The following MYT1L variants were observed in gnomAD, a reference collection of about 807,000 sequenced individuals.
MYT1L encodes the protein myelin transcription factor 1-like protein.
In MYT1L, 12 loss-of-function variants were observed where a neutral mutation model predicts 126.7. The observed-to-expected ratio is 0.09, with a 90% CI of 0.06 to 0.15. The LOEUF (loss-of-function observed/expected upper bound fraction) is 0.15. Ranked by LOEUF, MYT1L falls within the 10% of genes least tolerant of loss-of-function variation. MYT1L has a pLI of 1.00. For synonymous variants in MYT1L, 541 were observed against 604.2 expected (o/e 0.90, Z 1.53); for missense variants, 979 against 1,585.2 (o/e 0.62, Z 6.49).
At chr2:1,893,573 CTA>C (rs1488902417) in intron 14 of MYT1L, among the ~76,000 whole-genome samples, 2 of 152,176 alleles carry the variant, frequency 1.3e-5, no homozygotes, top group African/African-American at 4.8e-5. Context: ...CTGATGGAAA[CTA>C]TGGTTTTGTC....
At chr2:1,802,178 G>T (rs140485863) in intron 22 of MYT1L, among the ~76,000 whole-genome samples, 324 of 152,180 alleles carry the variant, frequency 2.1e-3, no homozygotes, top group African/African-American at 7.4e-3. Context: ...CTCTCGACTC[G>T]CTGTCTGCAT....
At chr2:2,070,284 C>T (rs1362553504) in intron 3 of MYT1L, among the ~76,000 whole-genome samples, 2 of 152,134 alleles carry the variant, frequency 1.3e-5, no homozygotes, top group African/African-American at 4.8e-5. Flanking sequence ...CCCCATGTTT[C>T]CATTTTGCCA....
chr2:1,828,878 C>T (rs866580685), intron 21 of MYT1L, among the ~76,000 whole-genome samples: 7 of 152,266 alleles, frequency 4.6e-5, no homozygotes, highest in Middle Eastern at 6.8e-3. Context: ...GTATGGTGGA[C>T]GAGACTCTTA....
At chr2:2,299,812 C>A (rs1343292361) in intron 1 of MYT1L, among the ~76,000 whole-genome samples, 1 of 152,084 alleles carries the variant, frequency 6.6e-6, no homozygotes, top group Non-Finnish European at 1.5e-5. Context: ...ACATCCAGTC[C>A]CATTACAAAC....
intron 1 of MYT1L, among the ~76,000 whole-genome samples, chr2:2,292,236 G>C (rs931636481): frequency 1.3e-5 from 2 of 152,210 alleles, no homozygotes; most frequent in South Asian, 4.1e-4. Flanking sequence ...GCTCAGGAAA[G>C]ACTGAAGGCT....
At chr2:2,247,019 T>C (rs2094547903) in intron 2 of MYT1L, among the ~76,000 whole-genome samples, 1 of 152,074 alleles carries the variant, frequency 6.6e-6, no homozygotes, top group Admixed American at 6.6e-5. Flanking sequence ...AATCAGTCTG[T>C]CAGGAGTAAG....
At chr2:1,911,966 G>C in intron 12 of MYT1L, 54 bp downstream of exon 12, 1 of 1,381,378 alleles carries the variant, frequency 7.2e-7, no homozygotes. Context: ...GAAGGAGAAG[G>C]CATGGAGAGC....
In MYT1L at chr2:1,802,027, G is replaced by A. The variant is rs9309689; in HGVS notation, c.3173-228C>T. 1,584 of 441,728 alleles carry A rather than the reference G, an allele frequency of 3.6e-3. 25 individuals are homozygous for A. Among genetic ancestry groups the A allele is most frequent in the African/African-American group, 0.029 (1,424 of 49,110 alleles). The allele number at this position is 441,728 out of a possible 1,614,324, so 27.4% of individuals were successfully genotyped here. A position where few individuals can be genotyped will look rare whatever the true frequency, so the allele number is the denominator to read the frequency against. ...ACAAAAAGGAACAAACAATTGAGACGCACAGAAGACTCCCAGGCACTTTGA... is the reference window on the plus strand; with the variant it reads ...ACAAAAAGGAACAAACAATTGAGACACACAGAAGACTCCCAGGCACTTTGA... On this transcript the variant is annotated intron_variant, in intron 22 of 24. Transcript: ENST00000647738.
intron 10 of MYT1L, among the ~76,000 whole-genome samples, chr2:1,920,056 G>A (rs983773401): frequency 4.6e-5 from 7 of 152,136 alleles, no homozygotes; most frequent in South Asian, 2.1e-4. Context: ...CAGACATCTC[G>A]AAGGACATTT....
At chr2:1,891,023 T>C (rs1198456127) in intron 15 of MYT1L, among the ~76,000 whole-genome samples, 1 of 152,208 alleles carries the variant, frequency 6.6e-6, no homozygotes, top group African/African-American at 2.4e-5. Flanking sequence ...TTTTTTGTGG[T>C]TGCCACAGAA....
chr2:1,871,824 A>G (rs2046320192), intron 18 of MYT1L, among the ~76,000 whole-genome samples: 1 of 152,184 alleles, frequency 6.6e-6, no homozygotes, highest in Non-Finnish European at 1.5e-5. Flanking sequence ...AGATGCCACT[A>G]GCATGGATAA....
intron 1 of MYT1L, among the ~76,000 whole-genome samples, chr2:2,320,491 G>GA (rs1347747463): frequency 9.0e-4 from 125 of 139,192 alleles, no homozygotes; most frequent in African/African-American, 1.2e-3. Context: ...AAAAAAAAAA[G>GA]AAAAAAAAAG....
chr2:1,866,568 GGAGA>G (rs1287647567), intron 18 of MYT1L, among the ~76,000 whole-genome samples: 3 of 133,974 alleles, frequency 2.2e-5, no homozygotes, highest in Non-Finnish European at 4.8e-5. Flanking sequence ...AGAGGGAAGG[GGAGA>G]GAGAGAGAGG....
chr2:2,311,819 T>G (rs2149608676), intron 1 of MYT1L, among the ~76,000 whole-genome samples: 1 of 152,338 alleles, frequency 6.6e-6, no homozygotes, highest in South Asian at 2.1e-4. Flanking sequence ...AACAGTCACT[T>G]CAGCTGTCTG....
intron 19 of MYT1L, chr2:1,842,868 C>CTTCCGCTTCCAGGCGT (rs1350436744): frequency 7.3e-6 from 1 of 136,630 alleles, no homozygotes; most frequent in African/African-American, 2.8e-5. Flanking sequence ...GTCTGTCCAG[C>CTTCCGCTTCCAGGCGT]TTCCGCTTCC....
At chr2:2,189,555 CTT>C (rs533084268) in intron 2 of MYT1L, among the ~76,000 whole-genome samples, 98 of 152,252 alleles carry the variant, frequency 6.4e-4, no homozygotes, top group Non-Finnish European at 9.0e-4. Flanking sequence ...TATATAATCA[CTT>C]ATATTAACAG....
chr2:1,953,595 T>C (rs548503983), intron 8 of MYT1L, among the ~76,000 whole-genome samples: 3 of 152,236 alleles, frequency 2.0e-5, no homozygotes, highest in African/African-American at 4.8e-5. Context: ...TGTGTGCTTA[T>C]CTTATTGTCT....
chr2:1,885,237 C>A lies in MYT1L; in HGVS notation c.2711+1302G>T, dbSNP rs569676442. On this transcript the variant is annotated intron_variant, in intron 18 of 24. Transcript: ENST00000647738. ...ACCATGAGGGAAATGTGGTTTCGAG[C>A]CATACAAAAGACGCCTGAACAAAGT... 1.2e-3 allele frequency: 188 copies of A among 152,622 alleles called. 1 individual carries two copies. The highest frequency in any genetic ancestry group is 4.4e-3 in the African/African-American group (182 of 41,572). 9.5% of individuals were successfully genotyped at this position (152,622 alleles called of 1,614,324 possible).
At chr2:2,181,217 T>C (rs1364831941) in intron 2 of MYT1L, among the ~76,000 whole-genome samples, 1 of 151,798 alleles carries the variant, frequency 6.6e-6, no homozygotes, top group Non-Finnish European at 1.5e-5. Context: ...CCTGTGTTTG[T>C]GCCTGTGTGT....
Sources: gnomAD v4.1 joint callset for allele counts (sites outside exome capture counted in the v4.1 genomes callset) on GRCh38, gnomAD v4.1.1 for gene constraint, MANE v1.5 for transcripts, NCBI Gene and HGNC (gene_info 2026-07-23, HGNC 2026-07-21) for gene names.